Variants in DLG2 observed in about 807,000 individuals in gnomAD.
The protein encoded by DLG2 is disks large homolog 2.
In DLG2, 45 loss-of-function variants were observed where a neutral mutation model predicts 132.5. That is an observed-to-expected ratio of 0.34 (90% CI 0.27 to 0.44). The LOEUF (loss-of-function observed/expected upper bound fraction) is 0.44. Ranked by LOEUF, DLG2 falls within the 20% of genes least tolerant of loss-of-function variation. The probability of loss-of-function intolerance (pLI) is 1.00; values close to 1 mark genes in which losing one functional copy is unlikely to be tolerated. For synonymous variants in DLG2, 424 were observed against 419.6 expected, an observed-to-expected ratio of 1.01 and a Z score of -0.13; for missense variants, 1,045 against 1,196.9, an observed-to-expected ratio of 0.87 and a Z score of 1.87.
At chr11:83,651,090 C>G (rs769010874) in intron 18 of DLG2, among the ~76,000 whole-genome samples, 1 of 152,004 alleles carries the variant, frequency 6.6e-6, no homozygotes, top group East Asian at 1.9e-4. Flanking sequence ...TTTCCCCTGC[C>G]AGCCTAAAAC....
intron 6 of DLG2, among the ~76,000 whole-genome samples, chr11:84,802,342 G>C (rs2153959296): frequency 6.6e-6 from 1 of 152,104 alleles, no homozygotes; most frequent in African/African-American, 2.4e-5. Context: ...GAATTAACAA[G>C]GAATAATGAA....
chr11:83,805,765 A>G (rs2045738034), intron 17 of DLG2, among the ~76,000 whole-genome samples: 1 of 152,160 alleles, frequency 6.6e-6, no homozygotes, highest in Non-Finnish European at 1.5e-5. Flanking sequence ...CCCTTTCACA[A>G]TGCAGCTTTT....
At position 83,602,656 on chromosome 11, in the gene DLG2, T is replaced by A. The variant is rs180959533; in HGVS notation, c.1940+30555A>T. 6.3e-3 allele frequency among the ~76,000 whole-genome samples: 963 copies of A among 151,882 alleles called. 9 individuals carry two copies. Among genetic ancestry groups the A allele is most frequent in the African/African-American group, 0.021 (889 of 41,450 alleles). ...GTTTCAGTCTTAGAACTGGACAAAA[T>A]TTTTTTTTAGCTGTTTTGATTCACA... is the stretch of plus-strand genomic sequence containing the variant. On this transcript the variant is annotated intron_variant, in intron 19 of 27. Transcript: ENST00000376104.
At chr11:85,560,815 T>C (rs2077193973) in intron 3 of DLG2, among the ~76,000 whole-genome samples, 1 of 151,786 alleles carries the variant, frequency 6.6e-6, no homozygotes, top group African/African-American at 2.4e-5. Flanking sequence ...GAGGATTCTT[T>C]GAGCCCAGGA....
chr11:84,678,228 A>G (rs1405662281), intron 6 of DLG2, among the ~76,000 whole-genome samples: 1 of 152,014 alleles, frequency 6.6e-6, no homozygotes, highest in African/African-American at 2.4e-5. Flanking sequence ...TCTGTTCCCA[A>G]GGTTTTGTGA....
intron 8 of DLG2, among the ~76,000 whole-genome samples, chr11:84,203,024 A>T (rs2096616765): frequency 1.3e-5 from 2 of 152,226 alleles, no homozygotes; most frequent in African/African-American, 4.8e-5. Flanking sequence ...GGGAGTGTAA[A>T]TTAGTTCAAC....
rs985921899 is a variant in DLG2 at position 84,348,778 on chromosome 11, A to G, written c.520-97487T>C. On this transcript the variant is annotated intron_variant, in intron 7 of 27. Transcript: ENST00000376104. Reference sequence around the variant, plus strand: ...ATAACTGCTGTCCTTAAAAGAAGGGAAAATTTGTACACACACAGGGATATC... The same window carrying G: ...ATAACTGCTGTCCTTAAAAGAAGGGGAAATTTGTACACACACAGGGATATC... Among the ~76,000 whole-genome samples, 6 of 152,216 alleles carry G rather than the reference A, an allele frequency of 3.9e-5. No individual in the cohort carries two copies. In the East Asian group the frequency reaches 9.6e-4, roughly 24 times the overall value.
intron 6 of DLG2, among the ~76,000 whole-genome samples, chr11:85,066,682 A>T (rs184614135): frequency 1.1e-4 from 17 of 151,718 alleles, no homozygotes; most frequent in Non-Finnish European, 1.6e-4. Flanking sequence ...CAAAGTTAAT[A>T]AAAAAAACTA....
chr11:83,486,979 AT>A (rs57785977), intron 21 of DLG2, among the ~76,000 whole-genome samples: 42,824 of 151,712 alleles, frequency 0.28, 6,817 homozygotes, highest in Non-Finnish European at 0.37. Flanking sequence ...TGCTGCTGTA[AT>A]TTTTTTTCTT....
intron 6 of DLG2, among the ~76,000 whole-genome samples, chr11:84,796,414 T>A (rs1332367425): frequency 6.6e-6 from 1 of 152,238 alleles, no homozygotes; most frequent in African/African-American, 2.4e-5. Context: ...CTACTTAAGA[T>A]ATTAGTAGTT....
intron 18 of DLG2, among the ~76,000 whole-genome samples, chr11:83,774,814 C>T (rs1472406039): frequency 1.3e-5 from 2 of 152,102 alleles, no homozygotes; most frequent in Non-Finnish European, 2.9e-5. Flanking sequence ...CACTAATCTT[C>T]CAGCAACTCT....
chr11:83,863,204 T>C (rs1310148773), intron 16 of DLG2, among the ~76,000 whole-genome samples: 1 of 152,190 alleles, frequency 6.6e-6, no homozygotes, highest in Non-Finnish European at 1.5e-5. Flanking sequence ...GCTCTAGACT[T>C]ACTCTTTTGT....
At chr11:84,761,557 G>C (rs1430552316) in intron 6 of DLG2, among the ~76,000 whole-genome samples, 1 of 152,166 alleles carries the variant, frequency 6.6e-6, no homozygotes, top group Non-Finnish European at 1.5e-5. Context: ...GCAGGCAGAA[G>C]AACATGGAAA....
chr11:84,630,165 C>T (rs1057412768), intron 6 of DLG2, among the ~76,000 whole-genome samples: 4 of 152,144 alleles, frequency 2.6e-5, no homozygotes, highest in African/African-American at 4.8e-5. Flanking sequence ...AAATCCTTAA[C>T]GCCACCCAAG....
intron 6 of DLG2, among the ~76,000 whole-genome samples, chr11:85,032,651 TC>T (rs759363168): frequency 5.3e-5 from 8 of 152,228 alleles, no homozygotes; most frequent in Non-Finnish European, 1.2e-4. Flanking sequence ...TTATTGGTTA[TC>T]CATTCAGTGA....
rs753481080 is a variant in DLG2 at position 85,111,665 on chromosome 11, C to T, written c.353G>A (p.Cys118Tyr). Reference protein sequence around the residue: ...EAPAWMPVHHCTKYRYQDEDA... With the variant: ...EAPAWMPVHHYTKYRYQDEDA... ...TCTTGGAATAATCAAACTTACAGTA[C>T]AGTGGTGGACAGGCATCCAAGCAGG... The change falls in exon 6 of 28, where the codon TGT becomes TAT. Residue 118 changes from cysteine to tyrosine, a missense_variant. Physicochemically the swap from Cys to Tyr is radical, Grantham distance 194 (BLOSUM62 -2). Coordinates refer to ENST00000376104, the MANE Select transcript of DLG2 (RefSeq NM_001142699.3). The T allele has an allele frequency of 1.3e-6, 2 of 1,559,160 alleles. No individual in the cohort carries two copies. The highest frequency in any genetic ancestry group is 1.7e-6 in the Non-Finnish European group (2 of 1,150,866).
rs147966775 is a variant in DLG2, at chr11:84,135,314, G to C, written c.624+28147C>G. Among the ~76,000 whole-genome samples, 232 of 152,226 alleles carry C rather than the reference G, an allele frequency of 1.5e-3. 2 individuals carry two copies. The highest frequency in any genetic ancestry group is 5.3e-3 in the African/African-American group (219 of 41,542). ...CATAAATGGCTACAAAATTGTGGCA[G>C]GGAAGATAACTAGGATGCTATTTTC... On this transcript the variant is annotated intron_variant, in intron 9 of 27. Transcript: ENST00000376104.
chr11:84,120,601 C>T (rs1432203391), intron 9 of DLG2, among the ~76,000 whole-genome samples: 1 of 152,174 alleles, frequency 6.6e-6, no homozygotes, highest in Non-Finnish European at 1.5e-5. Flanking sequence ...GACTGGATGA[C>T]AGACACTGAG....
chr11:84,351,512 TTA>T (rs2098570991), intron 7 of DLG2, among the ~76,000 whole-genome samples: 1 of 152,206 alleles, frequency 6.6e-6, no homozygotes. Flanking sequence ...TCTCTGAACT[TTA>T]TGTCTTTTAC....
Sources: allele counts gnomAD v4.1 joint callset (sites outside exome capture counted in the v4.1 genomes callset), GRCh38; gene constraint gnomAD v4.1.1; transcripts MANE v1.5; gene names NCBI Gene and HGNC (gene_info 2026-07-23, HGNC 2026-07-21).